Variants in SEPTIN7 observed in about 807,000 individuals in gnomAD.
The protein encoded by SEPTIN7 is septin-7.
A neutral mutation model predicts 63.3 loss-of-function variants in SEPTIN7; 10 were observed. That is an observed-to-expected ratio of 0.16 (90% confidence interval 0.10 to 0.27). The LOEUF (loss-of-function observed/expected upper bound fraction) is 0.27, where lower values mean the gene tolerates loss of function less well. SEPTIN7 is among the 10% of genes least tolerant of loss of function. The pLI is 1.00. For synonymous variants in SEPTIN7, 131 were observed against 165.3 expected (o/e 0.79, Z 1.59); for missense variants, 310 against 521.0 (o/e 0.59, Z 3.94).
intron 3 of SEPTIN7, among the ~76,000 whole-genome samples, chr7:35,837,818 A>G (rs1263313022): frequency 6.6e-6 from 1 of 151,840 alleles, no homozygotes; most frequent in Non-Finnish European, 1.5e-5. Context: ...TGCAACCTCC[A>G]CCTCCCAGGT....
chr7:35,827,640 G>A (rs561629366), intron 1 of SEPTIN7, among the ~76,000 whole-genome samples: 2 of 152,104 alleles, frequency 1.3e-5, no homozygotes, highest in South Asian at 2.1e-4. Flanking sequence ...ACAGGTGTGC[G>A]CCACTATGCC....
intron 3 of SEPTIN7, among the ~76,000 whole-genome samples, chr7:35,849,223 C>T (rs1283138633): frequency 6.6e-6 from 1 of 152,108 alleles, no homozygotes; most frequent in Non-Finnish European, 1.5e-5. Context: ...TGGAATGTAT[C>T]TAATGTAGTC....
In SEPTIN7 at chr7:35,811,235, A is replaced by G. The variant is rs563912921; in HGVS notation, c.61+9965A>G. Among the ~76,000 whole-genome samples, 196 of 152,262 alleles carry G rather than the reference A, an allele frequency of 1.3e-3. 3 individuals are homozygous for G. The highest frequency in any genetic ancestry group is 2.7e-3 in the South Asian group (13 of 4,828). On this transcript the variant is annotated intron_variant, in intron 1 of 13. Coordinates refer to ENST00000350320, the MANE Select transcript of SEPTIN7 (RefSeq NM_001788.6). ...TATTTTTTTAAAAAATAAGGAGAGT[A>G]CCACCTTATTTATTACATGTAACAT...
chr7:35,823,438 TG>T (rs974941303), intron 1 of SEPTIN7, among the ~76,000 whole-genome samples: 37 of 152,178 alleles, frequency 2.4e-4, no homozygotes, highest in African/African-American at 8.2e-4. Context: ...TGACCTCAGG[TG>T]ATCTGCCCGC....
chr7:35,827,499 TA>T (rs1783577187), intron 1 of SEPTIN7, among the ~76,000 whole-genome samples: 1 of 152,180 alleles, frequency 6.6e-6, no homozygotes, highest in Non-Finnish European at 1.5e-5. Context: ...TTAAATTTTT[TA>T]TTTTTTTTGA....
chr7:35,857,493 A>C lies in SEPTIN7; in HGVS notation c.170-6059A>C, dbSNP rs551122881. 1.4e-4 allele frequency among the ~76,000 whole-genome samples: 22 copies of C among 152,322 alleles called. No homozygotes were observed. In the East Asian group the frequency reaches 4.2e-3, roughly 29 times the overall value. On this transcript the variant is annotated intron_variant, in intron 3 of 13. Coordinates refer to ENST00000350320, the MANE Select transcript of SEPTIN7 (RefSeq NM_001788.6). ...CCATGGGTAAAGTTTCTTGAAATAC[A>C]AAACAGCTTGGTTTTAATGCCACTT...
chr7:35,860,253 C>G (rs1388520950), intron 3 of SEPTIN7, among the ~76,000 whole-genome samples: 1 of 152,064 alleles, frequency 6.6e-6, no homozygotes, highest in East Asian at 1.9e-4. Context: ...GTCCACTGCT[C>G]TGTCCCTCTT....
At chr7:35,841,919 G>T (rs973462659) in intron 3 of SEPTIN7, among the ~76,000 whole-genome samples, 2 of 152,148 alleles carry the variant, frequency 1.3e-5, no homozygotes, top group East Asian at 1.9e-4. Flanking sequence ...TGTGGGTCAG[G>T]TGGGTCCATC....
chr7:35,817,326 T>C (rs930062877), intron 1 of SEPTIN7, among the ~76,000 whole-genome samples: 8 of 152,112 alleles, frequency 5.3e-5, no homozygotes, highest in African/African-American at 1.7e-4. Flanking sequence ...TTGTGTGGTC[T>C]TGACAACTTC....
chr7:35,872,529 T>C (rs1229510806), intron 4 of SEPTIN7, 137 bp from the exon 5 acceptor site: 2 of 649,472 alleles, frequency 3.1e-6, no homozygotes, highest in Admixed American at 2.4e-5. Flanking sequence ...CTAAAGGTAA[T>C]GTGGTAGTAG....
chr7:35,881,702 GTTTAGGTAT>G (rs1429216770), intron 7 of SEPTIN7, among the ~76,000 whole-genome samples: 4 of 151,716 alleles, frequency 2.6e-5, no homozygotes, highest in Non-Finnish European at 5.9e-5. Context: ...GGGAAGCTAG[GTTTAGGTAT>G]ATTAGCCATT....
chr7:35,868,264 G>C (rs752885078), intron 4 of SEPTIN7, among the ~76,000 whole-genome samples: 21 of 152,068 alleles, frequency 1.4e-4, no homozygotes, highest in Non-Finnish European at 1.0e-4. Flanking sequence ...CTTCTCTGGG[G>C]TAACATACTT....
chr7:35,902,413 C>A (rs1210837327), intron 12 of SEPTIN7: 1 of 152,084 alleles, frequency 6.6e-6, no homozygotes, highest in Non-Finnish European at 1.5e-5. Flanking sequence ...TGTTGAAAAT[C>A]CACATTTCCA....
intron 3 of SEPTIN7, among the ~76,000 whole-genome samples, chr7:35,837,023 A>G (rs374463109): frequency 6.6e-6 from 1 of 152,174 alleles, no homozygotes; most frequent in African/African-American, 2.4e-5. Context: ...TATCTTAGAA[A>G]AAGTAATTCA....
At position 35,879,964 on chromosome 7, in the gene SEPTIN7, G is replaced by T. The variant is rs774110842; in HGVS notation, c.630+24G>T. ...AGGTGAGCAGGATGTGTTAACCCAG[G>T]TTTCTTATACCGTTCTCATAATTTG... On this transcript the variant is annotated intron_variant, in intron 7 of 13. Coordinates refer to ENST00000350320, the MANE Select transcript of SEPTIN7 (RefSeq NM_001788.6). The T allele has an allele frequency of 7.5e-6, 10 of 1,334,194 alleles. No individual in the cohort carries two copies. In the South Asian group the frequency reaches 1.2e-4, roughly 17 times the overall value. 82.6% of individuals were successfully genotyped at this position (1,334,194 alleles called of 1,614,324 possible). A position where few individuals can be genotyped will look rare whatever the true frequency, so the allele number is the denominator to read the frequency against.
the SEPTIN7 span, among the ~76,000 whole-genome samples, chr7:35,914,454 C>A: frequency 3.3e-5 from 5 of 152,266 alleles, no homozygotes; most frequent in African/African-American, 1.2e-4. Context: ...GGCTGACCTC[C>A]CCCAAGGAAG....
chr7:35,892,134 C>T (rs1787686665), intron 11 of SEPTIN7, among the ~76,000 whole-genome samples: 2 of 152,136 alleles, frequency 1.3e-5, no homozygotes, highest in African/African-American at 4.8e-5. Flanking sequence ...GCATTTGTAG[C>T]TAGGTGTTAT....
chr7:35,864,662 T>C (rs1273374943), intron 4 of SEPTIN7, among the ~76,000 whole-genome samples: 1 of 121,086 alleles, frequency 8.3e-6, no homozygotes, highest in Admixed American at 7.7e-5. Context: ...ATTTTAAAAG[T>C]GGCTAAGAAA....
chr7:35,810,983 G>A (rs902696135), intron 1 of SEPTIN7, among the ~76,000 whole-genome samples: 1 of 151,536 alleles, frequency 6.6e-6, no homozygotes, highest in Non-Finnish European at 1.5e-5. Flanking sequence ...TGGCCAGACT[G>A]GTATCGAACT....
Sources: allele counts gnomAD v4.1 joint callset (sites outside exome capture counted in the v4.1 genomes callset), GRCh38; gene constraint gnomAD v4.1.1; transcripts MANE v1.5; gene names NCBI Gene and HGNC (gene_info 2026-07-23, HGNC 2026-07-21).